The following RNF168 variants were observed in gnomAD, a reference collection of about 807,000 sequenced individuals.
RNF168 encodes the protein E3 ubiquitin-protein ligase RNF168.
In RNF168, 34 loss-of-function variants were observed where a neutral mutation model predicts 34.9. That is an observed-to-expected ratio of 0.97 (90% confidence interval 0.74 to 1.30). RNF168 has a LOEUF of 1.30. Among genes scored for constraint, RNF168 ranks in the 50% most tolerant of loss-of-function variants. The probability of loss-of-function intolerance (pLI) is 0.00; values close to 1 mark genes in which losing one functional copy is unlikely to be tolerated. For missense variants in RNF168, 725 were observed against 682.5 expected, an observed-to-expected ratio of 1.06 and a Z score of -0.69; for synonymous variants, 264 against 254.7, an observed-to-expected ratio of 1.04 and a Z score of -0.35.
chr3:196,480,283 T>C (rs1290850208), intron 4 of RNF168, among the ~76,000 whole-genome samples: 1 of 152,210 alleles, frequency 6.6e-6, no homozygotes, highest in Admixed American at 6.5e-5. Context: ...TTTAAAAATC[T>C]GTATTACCAT....
At position 196,471,553 on chromosome 3, in the gene RNF168, G is replaced by T; in HGVS notation, c.*266C>A. Reference sequence around the variant, plus strand: ...TGGCACTTGAAGATTTCCTGGAGTTGGCCAAAGCTTAAGATATCTCTAAGA... The same window carrying T: ...TGGCACTTGAAGATTTCCTGGAGTTTGCCAAAGCTTAAGATATCTCTAAGA... On this transcript the variant is annotated 3_prime_UTR_variant, in exon 6 of 6. Coordinates refer to ENST00000318037, the MANE Select transcript of RNF168 (RefSeq NM_152617.4). The T allele has an allele frequency of 2.5e-6, 1 of 396,142 alleles. No individual in the cohort carries two copies. The highest frequency in any genetic ancestry group is 4.5e-5 in the East Asian group (1 of 22,108). 24.5% of individuals were successfully genotyped at this position (396,142 alleles called of 1,614,324 possible). A position where few individuals can be genotyped will look rare whatever the true frequency, so the allele number is the denominator to read the frequency against.
chr3:196,500,948 T>C (rs1732869536), intron 1 of RNF168, among the ~76,000 whole-genome samples: 1 of 152,150 alleles, frequency 6.6e-6, no homozygotes, highest in South Asian at 2.1e-4. Flanking sequence ...CCTGACCTCG[T>C]GATCCGCCCG....
At chr3:196,502,634 A>AAC (rs1416204264) in intron 1 of RNF168, among the ~76,000 whole-genome samples, 1 of 151,778 alleles carries the variant, frequency 6.6e-6, no homozygotes, top group Non-Finnish European at 1.5e-5. Flanking sequence ...TTTAATTTTT[A>AAC]ACACAACAAA....
intron 1 of RNF168, among the ~76,000 whole-genome samples, chr3:196,490,013 A>G (rs902123081): frequency 6.6e-6 from 1 of 152,218 alleles, no homozygotes. Flanking sequence ...GGGATGGCAA[A>G]GCACAAAGGC....
At chr3:196,491,423 T>G (rs1028291081) in intron 1 of RNF168, among the ~76,000 whole-genome samples, 1 of 151,722 alleles carries the variant, frequency 6.6e-6, no homozygotes, top group Non-Finnish European at 1.5e-5. Flanking sequence ...CCGAGGCAGG[T>G]GGATCACTTG....
chr3:196,499,142 C>T (rs1158708536), intron 1 of RNF168, among the ~76,000 whole-genome samples: 2 of 151,954 alleles, frequency 1.3e-5, no homozygotes, highest in African/African-American at 4.8e-5. Context: ...GAGTACAGAG[C>T]CTTTAATCCA....
chr3:196,486,974 G>A (rs569074211), intron 3 of RNF168, among the ~76,000 whole-genome samples: 5 of 152,282 alleles, frequency 3.3e-5, no homozygotes, highest in South Asian at 2.1e-4. Context: ...AAGGATCACC[G>A]GAGCCCGGCC....
chr3:196,486,046 G>C (rs1732414119), intron 3 of RNF168, among the ~76,000 whole-genome samples: 1 of 152,108 alleles, frequency 6.6e-6, no homozygotes, highest in African/African-American at 2.4e-5. Flanking sequence ...GGGCCCCACA[G>C]TACCCTCTGA....
chr3:196,479,901 C>T (rs1486207995), intron 4 of RNF168, among the ~76,000 whole-genome samples: 4 of 152,116 alleles, frequency 2.6e-5, no homozygotes, highest in Non-Finnish European at 5.9e-5. Flanking sequence ...TTGTGATTTG[C>T]TTTTTTCACT....
At chr3:196,483,000 C>T (rs1732332621) in intron 4 of RNF168, among the ~76,000 whole-genome samples, 1 of 151,914 alleles carries the variant, frequency 6.6e-6, no homozygotes. Context: ...TAGCCTTAAA[C>T]AGCATATTGT....
intron 4 of RNF168, among the ~76,000 whole-genome samples, chr3:196,476,252 G>T (rs1299264789): frequency 6.6e-6 from 1 of 152,152 alleles, no homozygotes; most frequent in African/African-American, 2.4e-5. Flanking sequence ...TAATGAAAAT[G>T]ATGCTTTAAA....
intron 5 of RNF168, chr3:196,474,908 CTGA>C (rs1222250685): frequency 3.4e-6 from 1 of 297,880 alleles, no homozygotes; most frequent in African/African-American, 2.2e-5. Context: ...TGCATTCAAG[CTGA>C]TGTGTTTACA....
intron 4 of RNF168, among the ~76,000 whole-genome samples, chr3:196,479,166 C>A (rs903064461): frequency 6.6e-6 from 1 of 151,292 alleles, no homozygotes; most frequent in African/African-American, 2.4e-5. Flanking sequence ...GTGCTCGCCA[C>A]CACACCCGGC....
chr3:196,489,494 T>C (rs1340139590), intron 1 of RNF168, among the ~76,000 whole-genome samples: 2 of 152,016 alleles, frequency 1.3e-5, no homozygotes, highest in Non-Finnish European at 2.9e-5. Flanking sequence ...GCCCAGCTAA[T>C]TTTTGTATTT....
intron 1 of RNF168, among the ~76,000 whole-genome samples, chr3:196,499,132 G>A (rs1732819591): frequency 6.6e-6 from 1 of 151,976 alleles, no homozygotes; most frequent in Non-Finnish European, 1.5e-5. Context: ...TTCATACAAA[G>A]AGTACAGAGC....
At chr3:196,480,469 T>C (rs746008506) in intron 4 of RNF168, among the ~76,000 whole-genome samples, 18 of 152,230 alleles carry the variant, frequency 1.2e-4, no homozygotes, top group Non-Finnish European at 2.1e-4. Context: ...TAGTATTGTG[T>C]GATTCTGAGC....
In RNF168 at chr3:196,471,633, T is replaced by A; in HGVS notation, c.*186A>T. ...AAGAAGGGAAACGACAGGGGACCCC[T>A]GCTTACCGCTGAGCTGTGCAGAAGC... is the stretch of plus-strand genomic sequence containing the variant. On this transcript the variant is annotated 3_prime_UTR_variant, in exon 6 of 6. Transcript: ENST00000318037. 1.7e-6 allele frequency: 1 copy of A among 597,900 alleles called. No homozygotes were observed. Among genetic ancestry groups the A allele is most frequent in the Admixed American group, 2.9e-5 (1 of 34,550 alleles). 37.0% of individuals were successfully genotyped at this position (597,900 alleles called of 1,614,324 possible).
chr3:196,503,068 A>C lies in RNF168; in HGVS notation c.106T>G (p.Cys36Gly), dbSNP rs754483267. ...PVTLPCNHTLCKPCFQSTVEK... is the reference protein window; with the variant it reads ...PVTLPCNHTLGKPCFQSTVEK... ...ACGGTCGACTGGAAGCACGGTTTAC[A>C]CAGCGTGTGGTTACACGGGAGGGTG... is the stretch of plus-strand genomic sequence containing the variant. The change falls in exon 1 of 6, where the codon TGT becomes GGT. Residue 36 changes from cysteine (C) to glycine (G), a missense_variant. Transcript: ENST00000318037. 4 of 1,614,176 alleles carry C rather than the reference A, an allele frequency of 2.5e-6. No individual in the cohort carries two copies. Among genetic ancestry groups the C allele is most frequent in the Non-Finnish European group, 3.4e-6 (4 of 1,180,030 alleles).
At chr3:196,477,051 T>A (rs962311783) in intron 4 of RNF168, among the ~76,000 whole-genome samples, 1 of 152,206 alleles carries the variant, frequency 6.6e-6, no homozygotes, top group Non-Finnish European at 1.5e-5. Flanking sequence ...CCTGGTCATA[T>A]CTTTACATTT....
Sources: gnomAD v4.1 joint callset for allele counts (sites outside exome capture counted in the v4.1 genomes callset) on GRCh38, gnomAD v4.1.1 for gene constraint, MANE v1.5 for transcripts, NCBI Gene and HGNC (gene_info 2026-07-23, HGNC 2026-07-21) for gene names.